NHEJ1: variants seen among roughly 807,000 people sequenced by gnomAD.
NHEJ1 encodes the protein non-homologous end-joining factor 1.
A neutral mutation model predicts 39.4 loss-of-function variants in NHEJ1; 22 were observed. The ratio of observed to expected loss-of-function variants is 0.56; its 90% CI spans 0.40 to 0.80. The LOEUF is 0.80. NHEJ1 is among the 30% of genes least tolerant of loss of function. The probability of loss-of-function intolerance (pLI) is 0.00; values close to 1 mark genes in which losing one functional copy is unlikely to be tolerated. For missense variants in NHEJ1, 329 were observed against 357.1 expected (o/e 0.92, Z 0.63); for synonymous variants, 154 against 135.6 (o/e 1.14, Z -0.94).
chr2:219,076,071 G>C lies in NHEJ1; in HGVS notation c.*310C>G, dbSNP rs1367424734. On this transcript the variant is annotated 3_prime_UTR_variant, in exon 8 of 8. Transcript: ENST00000356853. ...GAGACGCTAGGGAAAGGTAGACAAG[G>C]CTTCCTGAGTGTGTGGTGCTTTCTT... 3 of 530,490 alleles carry C rather than the reference G, an allele frequency of 5.7e-6. No individual in the cohort carries two copies. Among genetic ancestry groups the C allele is most frequent in the Non-Finnish European group, 9.9e-6 (3 of 301,610 alleles). The allele number at this position is 530,490 out of a possible 1,614,324, so 32.9% of individuals were successfully genotyped here.
chr2:219,159,167 A>C (rs989277108), intron 1 of NHEJ1: 1 of 152,206 alleles, frequency 6.6e-6, no homozygotes, highest in African/African-American at 2.4e-5. Flanking sequence ...ACTTCCACTT[A>C]ACTCATCCTC....
In NHEJ1 at chr2:219,157,458, C is replaced by T. The variant is rs760019180; in HGVS notation, c.390+14G>A. 5.0e-6 allele frequency: 8 copies of T among 1,610,518 alleles called. No homozygotes were observed. The highest frequency in any genetic ancestry group is 5.9e-6 in the Non-Finnish European group (7 of 1,177,882). On this transcript the variant is annotated intron_variant, in intron 3 of 7. Coordinates refer to ENST00000356853, the MANE Select transcript of NHEJ1 (RefSeq NM_024782.3). Reference sequence around the variant, plus strand: ...GGCATCCCTCCCCCAACCCCACATTCGAATTACACTTACCAGGGAAGGACT... The same window carrying T: ...GGCATCCCTCCCCCAACCCCACATTTGAATTACACTTACCAGGGAAGGACT...
chr2:219,157,427 G>A, intron 3 of NHEJ1, 45 bp downstream of exon 3: 2 of 1,538,852 alleles, frequency 1.3e-6, no homozygotes, highest in Non-Finnish European at 9.0e-7. Context: ...TCCTCTCAAA[G>A]CAACTGGCAT....
intron 5 of NHEJ1, among the ~76,000 whole-genome samples, chr2:219,144,789 C>G (rs999121617): frequency 6.6e-6 from 1 of 152,092 alleles, no homozygotes; most frequent in Non-Finnish European, 1.5e-5. Flanking sequence ...AGGCAGGGAA[C>G]CAGCATGTTA....
chr2:219,125,446 G>C (rs749668226), intron 5 of NHEJ1: 2 of 152,374 alleles, frequency 1.3e-5, no homozygotes, highest in Non-Finnish European at 2.9e-5. Flanking sequence ...CCACCCCTGC[G>C]AGCCAGGGCA....
chr2:219,077,051 A>G (rs186814906), intron 7 of NHEJ1, among the ~76,000 whole-genome samples, 195 bp downstream of exon 7: 50 of 152,374 alleles, frequency 3.3e-4, no homozygotes, highest in Admixed American at 2.8e-3. Context: ...CAAGACCTAC[A>G]GAGAAGGGAC....
At chr2:219,119,588 C>T (rs1048813667) in intron 5 of NHEJ1, among the ~76,000 whole-genome samples, 2 of 152,190 alleles carry the variant, frequency 1.3e-5, no homozygotes, top group Admixed American at 6.5e-5. Flanking sequence ...TCCCCGCCAC[C>T]CTGCCCCTGG....
intron 5 of NHEJ1, among the ~76,000 whole-genome samples, chr2:219,116,284 T>C (rs971070998): frequency 6.6e-6 from 1 of 152,256 alleles, no homozygotes; most frequent in African/African-American, 2.4e-5. Flanking sequence ...GATTTCTTTT[T>C]TCTTTTTTTA....
Position 219,071,975 on chromosome 2 carries a change from GA to G in NHEJ1, c.*4405del. Among the ~76,000 whole-genome samples, 1 of 152,310 alleles carries G rather than the reference GA, an allele frequency of 6.6e-6. No individual in the cohort carries two copies. Among genetic ancestry groups the G allele is most frequent in the Non-Finnish European group, 1.5e-5 (1 of 68,006 alleles). The stretch of plus-strand genomic sequence containing the variant: ...TTCCTATGTGCTAGGATAGAGAACT[GA>G]GAGCCCAGAGCTGAGAGGATACATA... On this transcript the variant is annotated 3_prime_UTR_variant, in exon 8 of 8. Coordinates refer to ENST00000356853, the MANE Select transcript of NHEJ1 (RefSeq NM_024782.3).
rs922479478 is a variant in NHEJ1, at chr2:219,111,774, T to C, written c.589-33568A>G. ...CTTGTTAAGTTAAAATTAAACTCTG[T>C]ACAAATATTGACCTTTGGAGGGGAC... On this transcript the variant is annotated intron_variant, in intron 5 of 7. Coordinates refer to ENST00000356853, the MANE Select transcript of NHEJ1 (RefSeq NM_024782.3). The surrounding 1 kb of genome is among the most constrained non-coding windows in gnomAD (Gnocchi z 4.1). Among the ~76,000 whole-genome samples, 3 of 152,094 alleles carry C rather than the reference T, an allele frequency of 2.0e-5. No homozygotes were observed. The highest frequency in any genetic ancestry group is 6.5e-5 in the Admixed American group (1 of 15,276).
At chr2:219,136,734 CT>C (rs1949633724) in intron 5 of NHEJ1, among the ~76,000 whole-genome samples, 1 of 151,912 alleles carries the variant, frequency 6.6e-6, no homozygotes. Flanking sequence ...TCCTGAGTAG[CT>C]GGGATTACAG....
At position 219,080,530 on chromosome 2, in the gene NHEJ1, A is replaced by T. The variant is rs564894531; in HGVS notation, c.589-2324T>A. On this transcript the variant is annotated intron_variant, in intron 5 of 7. Coordinates refer to ENST00000356853, the MANE Select transcript of NHEJ1 (RefSeq NM_024782.3). ...ACAGAGCAAGACTCTGTCTTAAAAA[A>T]AAATAAATAAATAAATAAAAATATA... Among the ~76,000 whole-genome samples the T allele has an allele frequency of 2.9e-3, 398 of 138,016 alleles. 2 individuals are homozygous for T. The highest frequency in any genetic ancestry group is 6.8e-3 in the East Asian group (35 of 5,126). 90.5% of individuals were successfully genotyped at this position (138,016 alleles called of 152,430 possible).
rs1559206316 is a variant in NHEJ1 at position 219,159,571 on chromosome 2, A to T, written c.-1+1149T>A. On this transcript the variant is annotated intron_variant, in intron 1 of 7. Coordinates refer to ENST00000356853, the MANE Select transcript of NHEJ1 (RefSeq NM_024782.3). ...TATATGCATATATATATGCATATATATATGCATATATATATGCATATATAT... is the reference window on the plus strand; with the variant it reads ...TATATGCATATATATATGCATATATTTATGCATATATATATGCATATATAT... Among the ~76,000 whole-genome samples, 2 of 14,690 alleles carry T rather than the reference A, an allele frequency of 1.4e-4. 1 individual carries two copies. The highest frequency in any genetic ancestry group is 1.6e-3 in the Admixed American group (2 of 1,288). The allele number at this position is 14,690 out of a possible 152,430, so 9.6% of individuals were successfully genotyped here. A position where few individuals can be genotyped will look rare whatever the true frequency, so the allele number is the denominator to read the frequency against.
Position 219,070,419 on chromosome 2 carries a change from T to C in NHEJ1, c.*5962A>G, listed in dbSNP as rs1051423759. Among the ~76,000 whole-genome samples, 2 of 152,220 alleles carry C rather than the reference T, an allele frequency of 1.3e-5. No homozygotes were observed. Among genetic ancestry groups the C allele is most frequent in the Non-Finnish European group, 2.9e-5 (2 of 68,030 alleles). On this transcript the variant is annotated 3_prime_UTR_variant, in exon 8 of 8. Coordinates refer to ENST00000356853, the MANE Select transcript of NHEJ1 (RefSeq NM_024782.3). ...GTTGGCCAGGCTGGTCTCAAATTCC[T>C]GACCTCAGGTGATCCACCTGCCTCA...
chr2:219,157,362 G>T, intron 3 of NHEJ1, 110 bp downstream of exon 3: 1 of 932,418 alleles, frequency 1.1e-6, no homozygotes, highest in Non-Finnish European at 1.7e-6. Flanking sequence ...AAAGTTTTCT[G>T]ATTGGAGAAG....
chr2:219,130,768 C>T (rs1227177739), intron 5 of NHEJ1, among the ~76,000 whole-genome samples: 1 of 152,136 alleles, frequency 6.6e-6, no homozygotes, highest in Admixed American at 6.5e-5. Context: ...AAGCACTCTC[C>T]AAATAATAGT....
rs539180637 is a variant in NHEJ1 at position 219,101,386 on chromosome 2, A to C, written c.589-23180T>G. Among the ~76,000 whole-genome samples, 9 of 152,220 alleles carry C rather than the reference A, an allele frequency of 5.9e-5. No homozygotes were observed. The East Asian group carries it at 1.7e-3, about 29-fold the overall frequency. ...TGCCTTGGCCTCCCAAAGTGCTGGA[A>C]TTACAGGGGTGAGCCACCGCGCCCG... is the stretch of plus-strand genomic sequence containing the variant. On this transcript the variant is annotated intron_variant, in intron 5 of 7. Coordinates refer to ENST00000356853, the MANE Select transcript of NHEJ1 (RefSeq NM_024782.3).
At chr2:219,101,053 T>C (rs958348659) in intron 5 of NHEJ1, among the ~76,000 whole-genome samples, 1 of 152,216 alleles carries the variant, frequency 6.6e-6, no homozygotes, top group Non-Finnish European at 1.5e-5. Context: ...ACATTACATA[T>C]ATTCTTATGC....
intron 5 of NHEJ1, among the ~76,000 whole-genome samples, chr2:219,109,532 A>G (rs1949344198): frequency 6.6e-6 from 1 of 152,194 alleles, no homozygotes; most frequent in Admixed American, 6.5e-5. Flanking sequence ...TTCCCCCTAA[A>G]GCCACAGAGC....
Sources: gnomAD v4.1 joint callset for allele counts (sites outside exome capture counted in the v4.1 genomes callset) on GRCh38, gnomAD v4.1.1 for gene constraint, Gnocchi (gnomAD v3.1) non-coding constraint, MANE v1.5 for transcripts, NCBI Gene and HGNC (gene_info 2026-07-23, HGNC 2026-07-21) for gene names.